NMT1: variants seen among roughly 807,000 people sequenced by gnomAD.
The protein encoded by NMT1 is glycylpeptide N-tetradecanoyltransferase 1.
NMT1 carries 12 observed loss-of-function variants against 63.4 expected under a neutral mutation model. The ratio of observed to expected loss-of-function variants is 0.19; its 90% confidence interval spans 0.12 to 0.31. The LOEUF (loss-of-function observed/expected upper bound fraction) is 0.31, where lower values mean the gene tolerates loss of function less well. Ranked by LOEUF, NMT1 falls within the 10% of genes least tolerant of loss-of-function variation. The probability of loss-of-function intolerance (pLI) is 1.00; values close to 1 mark genes in which losing one functional copy is unlikely to be tolerated. For missense variants in NMT1, 432 were observed against 634.6 expected (o/e 0.68, Z 3.43); for synonymous variants, 228 against 234.3 (o/e 0.97, Z 0.25).
chr17:45,097,769 C>G (rs554821633), intron 6 of NMT1, among the ~76,000 whole-genome samples: 1 of 152,158 alleles, frequency 6.6e-6, no homozygotes, highest in Non-Finnish European at 1.5e-5. Flanking sequence ...CTCAGCCTCC[C>G]AAGTAGCTGG....
At chr17:45,062,275 A>G (rs2053868759) in intron 1 of NMT1, among the ~76,000 whole-genome samples, 1 of 152,198 alleles carries the variant, frequency 6.6e-6, no homozygotes, top group African/African-American at 2.4e-5. Flanking sequence ...TCTTTTCCCA[A>G]ATTAGTTTTT....
chr17:45,093,835 G>T (rs2054105684), intron 4 of NMT1, 32 bp downstream of exon 4: 1 of 1,549,462 alleles, frequency 6.5e-7, no homozygotes, highest in Non-Finnish European at 8.9e-7. Context: ...TACACCTGCG[G>T]GTAGGAGCCA....
At chr17:45,075,470 G>A (rs1221499603) in intron 1 of NMT1, among the ~76,000 whole-genome samples, 1 of 149,746 alleles carries the variant, frequency 6.7e-6, no homozygotes, top group Non-Finnish European at 1.5e-5. Context: ...GGGCAACAGA[G>A]CGAGACTCTT....
rs772801108 is a variant in NMT1, at chr17:45,104,905, C to A, written c.1379C>A (p.Thr460Asn). ...GCACTGGATCTCATGGAGAACAAAACCTTCCTGGAGAAGCTCAAGTTTGGC... is the reference window on the plus strand; with the variant it reads ...GCACTGGATCTCATGGAGAACAAAAACTTCCTGGAGAAGCTCAAGTTTGGC... The part of the protein sequence containing the change: ...FNALDLMENK[T>N]FLEKLKFGIG... Residue 460 changes from threonine (T) to asparagine (N), a missense_variant, in exon 11 of 12, where the codon ACC becomes AAC. By Grantham distance (65) the Thr-to-Asn change is moderately conservative (BLOSUM62 0). Transcript: ENST00000258960. The surrounding 1 kb of genome is among the most constrained non-coding windows in gnomAD (Gnocchi z 4.2). The A allele has an allele frequency of 1.2e-6, 2 of 1,614,212 alleles. No individual in the cohort carries two copies. Among genetic ancestry groups the A allele is most frequent in the Non-Finnish European group, 1.7e-6 (2 of 1,180,024 alleles).
intron 1 of NMT1, among the ~76,000 whole-genome samples, chr17:45,064,414 G>A (rs1410375461): frequency 6.6e-6 from 1 of 152,152 alleles, no homozygotes; most frequent in Admixed American, 6.6e-5. Context: ...TAAGAATCTG[G>A]GGTAGAGTCA....
chr17:45,091,905 C>T (rs1327517284), intron 3 of NMT1, among the ~76,000 whole-genome samples: 1 of 152,100 alleles, frequency 6.6e-6, no homozygotes, highest in Non-Finnish European at 1.5e-5. Context: ...CCTATAGTCC[C>T]AACCACTCGA....
intron 3 of NMT1, among the ~76,000 whole-genome samples, chr17:45,088,765 TAAAA>T (rs34592604): frequency 7.1e-6 from 1 of 141,712 alleles, no homozygotes; most frequent in Non-Finnish European, 1.5e-5. Flanking sequence ...AAAATGAATT[TAAAA>T]AAAAAAAAAA....
chr17:45,073,041 G>A (rs2053953637), intron 1 of NMT1, among the ~76,000 whole-genome samples: 1 of 152,024 alleles, frequency 6.6e-6, no homozygotes, highest in African/African-American at 2.4e-5. Context: ...AGTCTATTAT[G>A]CCTGTAAAGC....
At chr17:45,071,795 G>A (rs1384649284) in intron 1 of NMT1, among the ~76,000 whole-genome samples, 1 of 152,218 alleles carries the variant, frequency 6.6e-6, no homozygotes, top group East Asian at 1.9e-4. Flanking sequence ...CACAAGCGTG[G>A]TCGTGGGGCA....
intron 7 of NMT1, 130 bp downstream of exon 7, chr17:45,098,682 T>A: frequency 1.2e-6 from 1 of 833,620 alleles, no homozygotes; most frequent in Non-Finnish European, 1.9e-6. Flanking sequence ...GGCGGGCACT[T>A]GGTGCCTGCA....
intron 1 of NMT1, among the ~76,000 whole-genome samples, chr17:45,078,538 A>G (rs1471881602): frequency 6.6e-6 from 1 of 152,150 alleles, no homozygotes; most frequent in Non-Finnish European, 1.5e-5. Context: ...AATATTCATA[A>G]TAACTCCGAG....
intron 3 of NMT1, among the ~76,000 whole-genome samples, chr17:45,089,618 G>A (rs916120327): frequency 6.6e-6 from 1 of 150,918 alleles, no homozygotes; most frequent in African/African-American, 2.4e-5. Flanking sequence ...AGGATTACAG[G>A]CATGAGCTAC....
chr17:45,098,704 GGGA>G, intron 7 of NMT1, 152 bp downstream of exon 7: 1 of 676,348 alleles, frequency 1.5e-6, no homozygotes, highest in South Asian at 1.8e-5. Flanking sequence ...GAGCCAGATG[GGGA>G]GCATGGAGAG....
intron 3 of NMT1, among the ~76,000 whole-genome samples, chr17:45,091,677 T>C (rs1159945459): frequency 3.9e-5 from 6 of 152,212 alleles, no homozygotes; most frequent in African/African-American, 1.4e-4. Context: ...TATACATAGC[T>C]GTCAGTTGGA....
At chr17:45,099,734 C>G in intron 8 of NMT1, 1 of 546,180 alleles carries the variant, frequency 1.8e-6, no homozygotes, top group Non-Finnish European at 3.3e-6. Context: ...TGTGCCTGGA[C>G]TAGCTTCTCT....
intron 1 of NMT1, among the ~76,000 whole-genome samples, chr17:45,066,686 A>G (rs577216039): frequency 1.3e-5 from 2 of 152,170 alleles, no homozygotes; most frequent in East Asian, 1.9e-4. Context: ...CAGTTTTTCT[A>G]TTTAAAAATT....
Position 45,104,707 on chromosome 17 carries a change from A to G in NMT1, c.1333-152A>G. Reference sequence around the variant, plus strand: ...AGAGTGTCCTGAGAACCACCCGGAGAGCGGGGATTAACGTGGAAGCAGCGG... The same window carrying G: ...AGAGTGTCCTGAGAACCACCCGGAGGGCGGGGATTAACGTGGAAGCAGCGG... On this transcript the variant is annotated intron_variant, in intron 10 of 11. Transcript: ENST00000258960. The surrounding 1 kb of genome is among the most constrained non-coding windows in gnomAD (Gnocchi z 4.2). 6.8e-7 allele frequency: 1 copy of G among 1,460,732 alleles called. No homozygotes were observed. Among genetic ancestry groups the G allele is most frequent in the Non-Finnish European group, 9.0e-7 (1 of 1,108,780 alleles). The allele number at this position is 1,460,732 out of a possible 1,614,324, so 90.5% of individuals were successfully genotyped here.
chr17:45,073,711 A>G (rs761765346), intron 1 of NMT1, among the ~76,000 whole-genome samples: 4 of 152,188 alleles, frequency 2.6e-5, no homozygotes, highest in Non-Finnish European at 5.9e-5. Context: ...CTTACAGGGA[A>G]CGAAGCCATA....
chr17:45,070,579 G>C (rs1025590772), intron 1 of NMT1, among the ~76,000 whole-genome samples: 1 of 152,048 alleles, frequency 6.6e-6, no homozygotes, highest in Non-Finnish European at 1.5e-5. Flanking sequence ...CACCACGCCC[G>C]GCTAATTTTT....
Sources: gnomAD v4.1 joint callset for allele counts (sites outside exome capture counted in the v4.1 genomes callset) on GRCh38, gnomAD v4.1.1 for gene constraint, Gnocchi (gnomAD v3.1) non-coding constraint, MANE v1.5 for transcripts, NCBI Gene and HGNC (gene_info 2026-07-23, HGNC 2026-07-21) for gene names.